Variants in ROBO2 observed in about 807,000 individuals in gnomAD.
The protein encoded by ROBO2 is roundabout homolog 2.
In ROBO2, 53 loss-of-function variants were observed where a neutral mutation model predicts 160.8. That is an observed-to-expected ratio of 0.33 (90% confidence interval 0.26 to 0.41). The LOEUF (loss-of-function observed/expected upper bound fraction) is 0.41. ROBO2 is among the 10% of genes least tolerant of loss of function. ROBO2 has a pLI of 1.00. For synonymous variants in ROBO2, 664 were observed against 611.7 expected (o/e 1.09, Z -1.26); for missense variants, 1,577 against 1,722.4 (o/e 0.92, Z 1.49).
At chr3:76,854,063 TCTCTTTCTC>T (rs2069757269) in intron 2 of ROBO2, among the ~76,000 whole-genome samples, 1 of 84,058 alleles carries the variant, frequency 1.2e-5, no homozygotes, top group Admixed American at 1.2e-4. Flanking sequence ...TCTCTCTCTC[TCTCTTTCTC>T]TGTCTGCCTC....
At chr3:76,978,633 C>T (rs2059926737) in intron 2 of ROBO2, among the ~76,000 whole-genome samples, 1 of 151,974 alleles carries the variant, frequency 6.6e-6, no homozygotes, top group South Asian at 2.1e-4. Flanking sequence ...ATTCTCCAGG[C>T]TCTGAAAAAC....
chr3:77,188,109 A>G (rs1276817492), intron 2 of ROBO2, among the ~76,000 whole-genome samples: 2 of 143,188 alleles, frequency 1.4e-5, no homozygotes, highest in Non-Finnish European at 2.9e-5. Context: ...TGTATCAATT[A>G]TCTTTGATAT....
At chr3:77,062,625 A>G (rs2066436226) in intron 1 of ROBO2, among the ~76,000 whole-genome samples, 1 of 152,170 alleles carries the variant, frequency 6.6e-6, no homozygotes, top group South Asian at 2.1e-4. Context: ...TTATGAAAAA[A>G]CAACTTAAGC....
chr3:76,981,991 T>C (rs764285859), intron 2 of ROBO2, among the ~76,000 whole-genome samples: 6 of 152,158 alleles, frequency 3.9e-5, no homozygotes, highest in South Asian at 2.1e-4. Flanking sequence ...ATCTCCAGCA[T>C]TGGGGATTAC....
At chr3:77,573,494 C>T (rs2093686934) in intron 13 of ROBO2, among the ~76,000 whole-genome samples, 1 of 151,876 alleles carries the variant, frequency 6.6e-6, no homozygotes, top group South Asian at 2.1e-4. Context: ...ATGAAGATAT[C>T]AAAAAGTTGT....
rs543990051 is a variant in ROBO2 at position 77,510,461 on chromosome 3, G to T, written c.807-12314G>T. ...GACATTTGAACCTCAGATTTCAAAGGCAGAGCCATTTCAAAAGCCAGAGAG... is the reference window on the plus strand; with the variant it reads ...GACATTTGAACCTCAGATTTCAAAGTCAGAGCCATTTCAAAAGCCAGAGAG... On this transcript the variant is annotated intron_variant, in intron 5 of 25. Coordinates refer to ENST00000461745, the Ensembl canonical transcript of ROBO2. Among the ~76,000 whole-genome samples the T allele has an allele frequency of 1.3e-3, 193 of 152,140 alleles. 1 individual carries two copies. Among genetic ancestry groups the T allele is most frequent in the Admixed American group, 2.2e-3 (34 of 15,274 alleles).
At chr3:76,122,309 G>A (rs1267048814) in intron 2 of ROBO2, among the ~76,000 whole-genome samples, 1 of 152,074 alleles carries the variant, frequency 6.6e-6, no homozygotes, top group Non-Finnish European at 1.5e-5. Flanking sequence ...AGTGAAACAA[G>A]ATCATATTCT....
At chr3:76,907,219 A>G (rs1326151839) in intron 2 of ROBO2, among the ~76,000 whole-genome samples, 1 of 152,198 alleles carries the variant, frequency 6.6e-6, no homozygotes. Flanking sequence ...TAGGCATTAC[A>G]TCAACCACGT....
At chr3:77,483,117 T>A (rs1317867792) in intron 4 of ROBO2, among the ~76,000 whole-genome samples, 2 of 152,158 alleles carry the variant, frequency 1.3e-5, no homozygotes, top group Non-Finnish European at 2.9e-5. Flanking sequence ...GCAGTTCCCC[T>A]GGCAGAATTG....
intron 2 of ROBO2, among the ~76,000 whole-genome samples, chr3:76,260,393 A>G (rs773187610): frequency 6.6e-6 from 1 of 152,176 alleles, no homozygotes; most frequent in Non-Finnish European, 1.5e-5. Context: ...AAAGTTCTCT[A>G]CAATGATCGG....
chr3:76,380,034 T>C (rs976226287), intron 2 of ROBO2, among the ~76,000 whole-genome samples: 7 of 152,126 alleles, frequency 4.6e-5, no homozygotes, highest in Admixed American at 4.6e-4. Flanking sequence ...TTATAACCAG[T>C]ATCACTAAAA....
intron 2 of ROBO2, among the ~76,000 whole-genome samples, chr3:76,096,308 G>A (rs1310148433): frequency 1.3e-5 from 2 of 151,740 alleles, no homozygotes; most frequent in East Asian, 1.9e-4. Flanking sequence ...TCATAACTTG[G>A]GTAACAAGAA....
At chr3:76,832,680 T>A (rs1261705228) in intron 2 of ROBO2, among the ~76,000 whole-genome samples, 1 of 152,060 alleles carries the variant, frequency 6.6e-6, no homozygotes, top group African/African-American at 2.4e-5. Context: ...AATAAGCAAG[T>A]ACAAACGGTT....
intron 2 of ROBO2, among the ~76,000 whole-genome samples, chr3:76,285,845 C>T (rs1388448518): frequency 1.3e-5 from 2 of 152,138 alleles, no homozygotes; most frequent in Non-Finnish European, 2.9e-5. Flanking sequence ...TTTCTTGCCT[C>T]ATTAATCCCA....
intron 2 of ROBO2, among the ~76,000 whole-genome samples, chr3:76,705,477 G>A (rs2093140758): frequency 6.6e-6 from 1 of 152,050 alleles, no homozygotes; most frequent in Non-Finnish European, 1.5e-5. Context: ...AAGAGGGCAT[G>A]AGCAGCATCC....
chr3:77,648,524 T>G (rs2095427688), exon 26 of ROBO2: 2 of 152,214 alleles, frequency 1.3e-5, no homozygotes, highest in Non-Finnish European at 2.9e-5. Flanking sequence ...TTACTTGGAA[T>G]GTTCTTTCAG....
At chr3:76,647,120 G>C (rs949703884) in intron 2 of ROBO2, among the ~76,000 whole-genome samples, 1 of 152,182 alleles carries the variant, frequency 6.6e-6, no homozygotes, top group African/African-American at 2.4e-5. Context: ...TTGTTCTGGT[G>C]TTTCTTAGGT....
chr3:77,030,583 A>G (rs891450416), intron 2 of ROBO2, among the ~76,000 whole-genome samples: 1 of 152,204 alleles, frequency 6.6e-6, no homozygotes, highest in Non-Finnish European at 1.5e-5. Flanking sequence ...TATAAAGCCT[A>G]GACCTCCAGA....
At chr3:76,046,961 T>A (rs1415557367) in intron 2 of ROBO2, among the ~76,000 whole-genome samples, 2 of 152,196 alleles carry the variant, frequency 1.3e-5, no homozygotes, top group Non-Finnish European at 2.9e-5. Flanking sequence ...GACACCATCT[T>A]GCTTCCCTAT....
Sources: gnomAD v4.1 joint callset for allele counts (sites outside exome capture counted in the v4.1 genomes callset) on GRCh38, gnomAD v4.1.1 for gene constraint, MANE v1.5 for transcripts, NCBI Gene and HGNC (gene_info 2026-07-23, HGNC 2026-07-21) for gene names.